NRCAM: variants seen among roughly 807,000 people sequenced by gnomAD.
The protein encoded by NRCAM is NgCAM-related cell adhesion molecule.
Under a neutral mutation model 156.5 loss-of-function variants are expected in NRCAM, and 83 were observed. That is an observed-to-expected ratio of 0.53 (90% CI 0.44 to 0.64). The LOEUF (loss-of-function observed/expected upper bound fraction) is 0.64. NRCAM is among the 30% of genes least tolerant of loss of function. The pLI is 0.00. For missense variants in NRCAM, 1,417 were observed against 1,597.3 expected (o/e 0.89, Z 1.92); for synonymous variants, 538 against 563.9 (o/e 0.95, Z 0.65).
At chr7:108,264,801 G>A (rs1217700915) in intron 3 of NRCAM, among the ~76,000 whole-genome samples, 7 of 152,128 alleles carry the variant, frequency 4.6e-5, no homozygotes, top group Non-Finnish European at 2.9e-5. Flanking sequence ...AATTGACCTC[G>A]TTGAGTTTCT....
intron 1 of NRCAM, among the ~76,000 whole-genome samples, chr7:108,411,514 A>G (rs1795299865): frequency 6.6e-6 from 1 of 152,192 alleles, no homozygotes; most frequent in Non-Finnish European, 1.5e-5. Flanking sequence ...GTTCCATATC[A>G]GTAGACATGG....
chr7:108,416,880 T>A (rs999138879), intron 1 of NRCAM, among the ~76,000 whole-genome samples: 1 of 152,208 alleles, frequency 6.6e-6, no homozygotes, highest in Non-Finnish European at 1.5e-5. Context: ...TTGCAAACCA[T>A]TGGAAGAGGT....
At chr7:108,263,244 T>C (rs148723234) in intron 3 of NRCAM, among the ~76,000 whole-genome samples, 1 of 152,358 alleles carries the variant, frequency 6.6e-6, no homozygotes, top group East Asian at 1.9e-4. Flanking sequence ...TTTCACTGCG[T>C]TCATGAAACA....
chr7:108,182,205 G>A (rs1586816345), intron 23 of NRCAM, among the ~76,000 whole-genome samples: 1 of 151,678 alleles, frequency 6.6e-6, no homozygotes, highest in Non-Finnish European at 1.5e-5. Context: ...AGGAAAACAC[G>A]ATTTTTTAAA....
At chr7:108,265,845 C>A (rs1426767853) in intron 3 of NRCAM, among the ~76,000 whole-genome samples, 2 of 152,196 alleles carry the variant, frequency 1.3e-5, no homozygotes, top group Non-Finnish European at 2.9e-5. Context: ...TTTAATCATG[C>A]CCTTCTTATT....
intron 28 of NRCAM, among the ~76,000 whole-genome samples, chr7:108,170,621 A>T (rs539490836): frequency 6.6e-6 from 1 of 152,318 alleles, no homozygotes; most frequent in South Asian, 2.1e-4. Context: ...TTGATGTGTC[A>T]TAACTCCCTA....
At chr7:108,439,196 A>T (rs1381264609) in intron 1 of NRCAM, among the ~76,000 whole-genome samples, 1 of 152,296 alleles carries the variant, frequency 6.6e-6, no homozygotes, top group South Asian at 2.1e-4. Context: ...AAATTATTAG[A>T]TACAACACCA....
chr7:108,312,589 C>T (rs975981708), intron 3 of NRCAM, 76 bp downstream of exon 3: 1 of 152,156 alleles, frequency 6.6e-6, no homozygotes, highest in East Asian at 1.9e-4. Flanking sequence ...AATAATATTA[C>T]ATAATCACAT....
At chr7:108,279,861 G>A (rs1342055720) in intron 3 of NRCAM, among the ~76,000 whole-genome samples, 1 of 151,928 alleles carries the variant, frequency 6.6e-6, no homozygotes, top group African/African-American at 2.4e-5. Context: ...TGCCCAGCCT[G>A]CAACACCATC....
intron 1 of NRCAM, among the ~76,000 whole-genome samples, chr7:108,408,996 A>G (rs1791954281): frequency 6.6e-6 from 1 of 152,146 alleles, no homozygotes; most frequent in African/African-American, 2.4e-5. Flanking sequence ...AAGCTGGGGA[A>G]CGAGGGGTGT....
chr7:108,320,048 TAC>T (rs1262385579), intron 2 of NRCAM, among the ~76,000 whole-genome samples: 1 of 152,218 alleles, frequency 6.6e-6, no homozygotes, highest in Non-Finnish European at 1.5e-5. Flanking sequence ...TGAATTCCTA[TAC>T]AGTTATAAAA....
chr7:108,314,028 A>G (rs777057086), intron 2 of NRCAM, among the ~76,000 whole-genome samples: 11 of 152,234 alleles, frequency 7.2e-5, no homozygotes, highest in Non-Finnish European at 1.5e-4. Context: ...AGTTCTCAGC[A>G]TAATCCAGTT....
At position 108,250,656 on chromosome 7, in the gene NRCAM, A is replaced by G. The variant is rs1297107979; in HGVS notation, c.-106-10486T>C. Among the ~76,000 whole-genome samples, 4 of 152,030 alleles carry G rather than the reference A, an allele frequency of 2.6e-5. No individual in the cohort carries two copies. The East Asian group carries it at 7.7e-4, about 29-fold the overall frequency. The stretch of plus-strand genomic sequence containing the variant: ...TGGGGATGGTTATTAGGTACAAAAA[A>G]AAAAAATAGAAACAATGACTAAGAC... On this transcript the variant is annotated intron_variant, in intron 3 of 32. Transcript: ENST00000379028.
intron 15 of NRCAM, among the ~76,000 whole-genome samples, chr7:108,195,029 T>C (rs2074156908): frequency 6.6e-6 from 1 of 151,998 alleles, no homozygotes; most frequent in Admixed American, 6.6e-5. Flanking sequence ...CAACAAGTAC[T>C]CAAGAGAAAC....
rs752098491 is a variant in NRCAM, at chr7:108,182,967, C to T, written c.2305-47G>A. ...CAGAGCTTATAACACAAATCAACTGCACAATCTTTTACAGGAACAGCAAAT... is the reference window on the plus strand; with the variant it reads ...CAGAGCTTATAACACAAATCAACTGTACAATCTTTTACAGGAACAGCAAAT... On this transcript the variant is annotated intron_variant, in intron 22 of 32. Transcript: ENST00000379028. 6 of 1,473,546 alleles carry T rather than the reference C, an allele frequency of 4.1e-6. No individual in the cohort carries two copies. The East Asian group carries it at 1.4e-4, about 34-fold the overall frequency. 91.3% of individuals were successfully genotyped at this position (1,473,546 alleles called of 1,614,324 possible).
intron 32 of NRCAM, among the ~76,000 whole-genome samples, chr7:108,153,340 A>G (rs388121): frequency 0.76 from 115,829 of 151,962 alleles, 45,347 homozygotes; most frequent in Non-Finnish European, 0.86. Context: ...GAAGAAAATA[A>G]AAATATGATA....
chr7:108,435,155 T>G (rs1830551631), intron 1 of NRCAM, among the ~76,000 whole-genome samples: 1 of 152,150 alleles, frequency 6.6e-6, no homozygotes, highest in South Asian at 2.1e-4. Context: ...GTTTAAAAAT[T>G]AAAGGAAAAT....
chr7:108,443,893 T>TAGATAG lies in NRCAM; in HGVS notation c.-332+12349_-332+12350insCTATCT, dbSNP rs1303588994. ...AAGTATACAGATATAGATAGATAGATACATACATACATACATACATACATA... is the reference window on the plus strand; with the variant it reads ...AAGTATACAGATATAGATAGATAGATAGATAGACATACATACATACATACATACATA... On this transcript the variant is annotated intron_variant, in intron 1 of 32. Transcript: ENST00000379028. Among the ~76,000 whole-genome samples the TAGATAG allele has an allele frequency of 9.2e-3, 1,319 of 143,356 alleles. 17 individuals carry two copies. Among genetic ancestry groups the TAGATAG allele is most frequent in the African/African-American group, 0.033 (1,238 of 37,948 alleles). 94.0% of individuals were successfully genotyped at this position (143,356 alleles called of 152,430 possible). A position where few individuals can be genotyped will look rare whatever the true frequency, so the allele number is the denominator to read the frequency against.
intron 3 of NRCAM, among the ~76,000 whole-genome samples, chr7:108,259,021 T>C (rs2096790084): frequency 6.6e-6 from 1 of 152,258 alleles, no homozygotes; most frequent in Admixed American, 6.5e-5. Context: ...TCAGTCACAC[T>C]GTCCACAATT....
Sources: gnomAD v4.1 joint callset for allele counts (sites outside exome capture counted in the v4.1 genomes callset) on GRCh38, gnomAD v4.1.1 for gene constraint, MANE v1.5 for transcripts, NCBI Gene and HGNC (gene_info 2026-07-23, HGNC 2026-07-21) for gene names.